Variants in LSS observed in about 807,000 individuals in gnomAD.
LSS encodes the protein lanosterol synthase.
LSS carries 90 observed loss-of-function variants against 110.3 expected under a neutral mutation model. The observed-to-expected ratio is 0.82, with a 90% CI of 0.69 to 0.97. The LOEUF (loss-of-function observed/expected upper bound fraction) is 0.97, where lower values mean the gene tolerates loss of function less well. LSS is among the 50% of genes least tolerant of loss of function. The pLI is 0.00. For missense variants in LSS, 927 were observed against 990.0 expected, an observed-to-expected ratio of 0.94 and a Z score of 0.85; for synonymous variants, 433 against 400.0, an observed-to-expected ratio of 1.08 and a Z score of -0.98.
chr21:46,206,404 C>T (rs1601426511), intron 16 of LSS, among the ~76,000 whole-genome samples: 1 of 152,198 alleles, frequency 6.6e-6, no homozygotes, highest in Admixed American at 6.5e-5. Context: ...TGAGCAGGAA[C>T]CAGCCCAGGC....
intron 11 of LSS, among the ~76,000 whole-genome samples, chr21:46,211,245 G>A (rs1469253096): frequency 6.6e-6 from 1 of 152,188 alleles, no homozygotes; most frequent in African/African-American, 2.4e-5. Context: ...TCCTGCCTCA[G>A]CCTCCGGAGT....
chr21:46,219,586 G>A lies in LSS; in HGVS notation c.551-14C>T. ...CCACAGCACCACCTGAGCGGGGAGA[G>A]AATAGGCCCACGTCATCTGCTTCCT... is the stretch of plus-strand genomic sequence containing the variant. On this transcript the variant is annotated splice_polypyrimidine_tract_variant and intron_variant, in intron 5 of 21. Transcript: ENST00000397728. The A allele has an allele frequency of 6.6e-7, 1 of 1,522,716 alleles. No homozygotes were observed. The allele number at this position is 1,522,716 out of a possible 1,614,324, so 94.3% of individuals were successfully genotyped here. A position where few individuals can be genotyped will look rare whatever the true frequency, so the allele number is the denominator to read the frequency against.
At chr21:46,212,163 G>A (rs1203260500) in intron 11 of LSS, among the ~76,000 whole-genome samples, 5 of 152,216 alleles carry the variant, frequency 3.3e-5, no homozygotes, top group Admixed American at 6.5e-5. Flanking sequence ...CACAAAACAC[G>A]GACAGTGTCC....
intron 5 of LSS, among the ~76,000 whole-genome samples, chr21:46,221,054 AGGGCTTGGAGAAGTAGACAGTTG>A (rs568974163): frequency 0.011 from 1,559 of 140,656 alleles, 18 homozygotes; most frequent in Middle Eastern, 0.028. Context: ...TAGCCAGACC[AGGGCTTGGAGAAGTAGACAGTTG>A]GGGCTTGGAG....
chr21:46,213,705 G>A (rs1359701219), intron 10 of LSS, 33 bp downstream of exon 10: 2 of 1,583,834 alleles, frequency 1.3e-6, no homozygotes, highest in Non-Finnish European at 8.6e-7. Context: ...GTCTTCGTGA[G>A]AGGCCCCGCC....
At chr21:46,202,275 T>C (rs1243270820) in intron 17 of LSS, among the ~76,000 whole-genome samples, 1 of 142,774 alleles carries the variant, frequency 7.0e-6, no homozygotes, top group Non-Finnish European at 1.5e-5. Context: ...GCGCCTGTAG[T>C]CCCAGCTACT....
intron 6 of LSS, 43 bp downstream of exon 6, chr21:46,219,433 G>A: frequency 6.8e-7 from 1 of 1,460,280 alleles, no homozygotes; most frequent in African/African-American, 1.4e-5. Context: ...TACTCCCCGG[G>A]ACAGCAGCAG....
intron 16 of LSS, 144 bp from the exon 17 acceptor site, chr21:46,206,085 G>A (rs2080045412): frequency 8.0e-6 from 5 of 626,196 alleles, no homozygotes; most frequent in East Asian, 5.5e-5. Context: ...CAGAGCAAAC[G>A]CCGGCTGGTC....
Position 46,227,642 on chromosome 21 carries a change from C to G in LSS, c.229G>C (p.Ala77Pro), listed in dbSNP as rs1293144975. The stretch of plus-strand genomic sequence containing the variant: ...ACGTAAAATGTCATCCCGTTCAGAG[C>G]CCCCTCAAAGGCGGTGTGGGCTTTG... ...LPKAHTAFEG[A>P]LNGMTFYVGL... Residue 77 changes from alanine (A) to proline (P), a missense_variant, in exon 3 of 22, where the codon GCT (alanine) becomes CCT (proline). Physicochemically the swap from Ala to Pro is conservative, Grantham distance 27. Coordinates refer to ENST00000397728, the MANE Select transcript of LSS (RefSeq NM_002340.6). 1 of 1,613,828 alleles carries G rather than the reference C, an allele frequency of 6.2e-7. No individual in the cohort carries two copies. Among genetic ancestry groups the G allele is most frequent in the Admixed American group, 1.7e-5 (1 of 60,008 alleles).
intron 6 of LSS, among the ~76,000 whole-genome samples, chr21:46,217,659 A>G (rs544788271): frequency 2.3e-4 from 35 of 152,148 alleles, no homozygotes; most frequent in Non-Finnish European, 3.7e-4. Context: ...TCCAGCAAAG[A>G]CAAGCAGCAC....
rs1274999054 is a variant in LSS, at chr21:46,228,487, G to A, written c.127C>T (p.Arg43Cys). The change falls in exon 2 of 22, where the codon CGC (arginine) becomes TGC (cysteine). Residue 43 changes from arginine (R) to cysteine (C), a missense_variant. Arg to Cys is a radical substitution (Grantham distance 180). Transcript: ENST00000397728. The stretch of plus-strand genomic sequence containing the variant: ...AGGCCGGTCTGCTCGCGGCCGGCGC[G>A]CTCGTCCTGCAGGTAGGTCCACGTC... ...RQTWTYLQDERAGREQTGLEA... is the reference protein window; with the variant it reads ...RQTWTYLQDECAGREQTGLEA... 7 of 1,603,080 alleles carry A rather than the reference G, an allele frequency of 4.4e-6. No homozygotes were observed. Among genetic ancestry groups the A allele is most frequent in the African/African-American group, 1.3e-5 (1 of 74,876 alleles).
chr21:46,196,101 G>A (rs2079906264), intron 18 of LSS, 101 bp downstream of exon 18: 2 of 1,214,140 alleles, frequency 1.6e-6, no homozygotes, highest in East Asian at 4.8e-5. Context: ...AACTTCTGGT[G>A]TAGCAACAAC....
intron 20 of LSS, 141 bp from the exon 21 acceptor site, chr21:46,192,100 C>T (rs1350832590): frequency 2.9e-5 from 20 of 697,814 alleles, no homozygotes; most frequent in Non-Finnish European, 3.8e-5. Flanking sequence ...CCACAGGCCC[C>T]GCCAGGTGCA....
chr21:46,213,083 C>T (rs776660024), intron 10 of LSS, 31 bp from the exon 11 acceptor site: 3 of 1,611,554 alleles, frequency 1.9e-6, no homozygotes, highest in Admixed American at 3.3e-5. Flanking sequence ...AAGTCAGGTG[C>T]AAGGAGAAAG....
In LSS at chr21:46,189,565, A is replaced by T; in HGVS notation, c.*1539T>A. On this transcript the variant is annotated 3_prime_UTR_variant, in exon 22 of 22. Coordinates refer to ENST00000397728, the MANE Select transcript of LSS (RefSeq NM_002340.6). ...AAGGGAGCTGGACAGAAGACCCCAG[A>T]GGGTGCGGCACCTGGGTGAGAGCCC... The T allele has an allele frequency of 2.3e-6, 1 of 428,428 alleles. No homozygotes were observed. The highest frequency in any genetic ancestry group is 4.7e-6 in the Non-Finnish European group (1 of 213,766). The allele number at this position is 428,428 out of a possible 1,614,324, so 26.5% of individuals were successfully genotyped here. A position where few individuals can be genotyped will look rare whatever the true frequency, so the allele number is the denominator to read the frequency against.
At chr21:46,213,188 C>CCCCAGCAG in intron 10 of LSS, 136 bp from the exon 11 acceptor site, 1 of 808,934 alleles carries the variant, frequency 1.2e-6, no homozygotes, top group Non-Finnish European at 2.1e-6. Context: ...CTGGATGCCA[C>CCCCAGCAG]CCCAGCTGGG....
At chr21:46,222,173 C>T (rs758532696) in intron 4 of LSS, 198 bp from the exon 5 acceptor site, 1 of 604,824 alleles carries the variant, frequency 1.7e-6, no homozygotes, top group Non-Finnish European at 2.9e-6. Flanking sequence ...ACTGAGCCCC[C>T]CACTCCTTCC....
rs967966926 is a variant in LSS at position 46,216,946 on chromosome 21, G to C, written c.648-422C>G. Among the ~76,000 whole-genome samples, 1 of 152,122 alleles carries C rather than the reference G, an allele frequency of 6.6e-6. No homozygotes were observed. The highest frequency in any genetic ancestry group is 2.4e-5 in the African/African-American group (1 of 41,412). ...CAAAATTTAAAGTTTACTTTTAAAA[G>C]TGTATTTAAGAAACTTTAGGAGGGG... On this transcript the variant is annotated intron_variant, in intron 6 of 21. Coordinates refer to ENST00000397728, the MANE Select transcript of LSS (RefSeq NM_002340.6). This position sits in a 1 kb window ranked among gnomAD's most constrained non-coding sequence, Gnocchi z 4.2.
chr21:46,213,345 C>A (rs1195245913), intron 10 of LSS, among the ~76,000 whole-genome samples: 2 of 152,234 alleles, frequency 1.3e-5, no homozygotes, highest in Non-Finnish European at 2.9e-5. Flanking sequence ...TGCTGAGGCA[C>A]CAGAGGAAGA....
Sources: allele counts gnomAD v4.1 joint callset (sites outside exome capture counted in the v4.1 genomes callset), GRCh38; gene constraint gnomAD v4.1.1; non-coding constraint Gnocchi (gnomAD v3.1); transcripts MANE v1.5; gene names NCBI Gene and HGNC (gene_info 2026-07-23, HGNC 2026-07-21).